The following APLF variants were observed in gnomAD, a reference collection of about 807,000 sequenced individuals.
The protein encoded by APLF is aprataxin and PNKP like factor, also known as aprataxin and PNK-like factor.
APLF carries 61 observed loss-of-function variants against 55.6 expected under a neutral mutation model. The observed-to-expected ratio is 1.10, with a 90% CI of 0.89 to 1.36. The LOEUF is 1.36. Among genes scored for constraint, APLF ranks in the 40% most tolerant of loss-of-function variants. The pLI is 0.00. For missense variants in APLF, 611 were observed against 602.5 expected (o/e 1.01, Z -0.15); for synonymous variants, 207 against 214.8 (o/e 0.96, Z 0.32).
chr2:68,537,696 G>GT (rs1670433711), intron 6 of APLF, among the ~76,000 whole-genome samples, 176 bp from the exon 7 acceptor site: 2 of 152,112 alleles, frequency 1.3e-5, no homozygotes, highest in East Asian at 1.9e-4. Flanking sequence ...AACTAAAAAT[G>GT]TTTTAAGTTA....
intron 5 of APLF, among the ~76,000 whole-genome samples, chr2:68,517,978 A>C (rs1174999070): frequency 7.3e-6 from 1 of 136,958 alleles, no homozygotes; most frequent in South Asian, 2.2e-4. Context: ...TATAACAGTA[A>C]TATATCACTA....
chr2:68,578,937 G>A lies in APLF; in HGVS notation c.*915G>A. 1 of 985,106 alleles carries A rather than the reference G, an allele frequency of 1.0e-6. No individual in the cohort carries two copies. The highest frequency in any genetic ancestry group is 1.2e-6 in the Non-Finnish European group (1 of 829,774). The allele number at this position is 985,106 out of a possible 1,614,324, so 61.0% of individuals were successfully genotyped here. ...CTCCAGTTTTACAAAGTATCTTTCT[G>A]TATTTCTGTTCTAAAACTACTTTAA... is the stretch of plus-strand genomic sequence containing the variant. On this transcript the variant is annotated 3_prime_UTR_variant, in exon 10 of 10. Transcript: ENST00000303795.
chr2:68,501,331 T>G (rs1273414197), intron 2 of APLF, among the ~76,000 whole-genome samples: 2 of 152,108 alleles, frequency 1.3e-5, no homozygotes, highest in African/African-American at 4.8e-5. Context: ...TGGTAATTAC[T>G]TTGCTGTGAT....
chr2:68,483,845 A>G (rs563337631), intron 1 of APLF, among the ~76,000 whole-genome samples: 1 of 152,288 alleles, frequency 6.6e-6, no homozygotes, highest in African/African-American at 2.4e-5. Context: ...GAGAACATTG[A>G]ATTAATGCGA....
At chr2:68,562,967 T>C in intron 8 of APLF, 1 of 553,236 alleles carries the variant, frequency 1.8e-6, no homozygotes, top group Non-Finnish European at 2.3e-6. Context: ...ATTCTGTGAG[T>C]TCTGTTTACC....
At chr2:68,496,859 A>G (rs915168910) in intron 2 of APLF, among the ~76,000 whole-genome samples, 12 of 152,148 alleles carry the variant, frequency 7.9e-5, no homozygotes, top group African/African-American at 2.7e-4. Context: ...TTGGTCACAA[A>G]TTTGCTGATC....
intron 5 of APLF, among the ~76,000 whole-genome samples, chr2:68,525,819 G>T (rs1177452967): frequency 7.4e-6 from 1 of 134,494 alleles, no homozygotes; most frequent in African/African-American, 3.0e-5. Flanking sequence ...GTGTGATCTC[G>T]GCTCACTGCA....
intron 1 of APLF, among the ~76,000 whole-genome samples, chr2:68,476,170 C>T (rs1675766136): frequency 1.3e-5 from 2 of 151,694 alleles, no homozygotes; most frequent in Non-Finnish European, 2.9e-5. Context: ...GTGTATTATG[C>T]TCTTTCCCAA....
intron 3 of APLF, among the ~76,000 whole-genome samples, chr2:68,504,286 T>C (rs1013401146): frequency 9.2e-5 from 14 of 151,942 alleles, no homozygotes; most frequent in Non-Finnish European, 1.9e-4. Context: ...AAAGAAGATA[T>C]ACTTCCCAAC....
chr2:68,488,022 A>G (rs540187676), intron 1 of APLF, among the ~76,000 whole-genome samples: 8 of 124,998 alleles, frequency 6.4e-5, no homozygotes, highest in Admixed American at 1.4e-4. Flanking sequence ...AGTGAAGCTT[A>G]CTTCAAAGAA....
At chr2:68,497,408 C>T (rs12990793) in intron 2 of APLF, among the ~76,000 whole-genome samples, 14 of 151,978 alleles carry the variant, frequency 9.2e-5, no homozygotes, top group African/African-American at 1.2e-4. Flanking sequence ...TGAGTTCTCA[C>T]GACATCTGGT....
chr2:68,486,535 T>A (rs962440756), intron 1 of APLF, among the ~76,000 whole-genome samples: 1 of 152,124 alleles, frequency 6.6e-6, no homozygotes, highest in Admixed American at 6.5e-5. Flanking sequence ...CCCTCTCTCC[T>A]CTGTTTCTGT....
At chr2:68,490,490 A>G (rs1162149672) in intron 2 of APLF, among the ~76,000 whole-genome samples, 1 of 152,228 alleles carries the variant, frequency 6.6e-6, no homozygotes, top group African/African-American at 2.4e-5. Context: ...ATGAAAGATG[A>G]CTGCCAGTTC....
chr2:68,524,446 G>C (rs71413137), intron 5 of APLF, among the ~76,000 whole-genome samples: 1 of 152,132 alleles, frequency 6.6e-6, no homozygotes, highest in Admixed American at 6.5e-5. Flanking sequence ...CCCACTGCCT[G>C]GTTTTGTAAA....
At chr2:68,489,928 A>G (rs1372500515) in intron 1 of APLF, among the ~76,000 whole-genome samples, 1 of 152,156 alleles carries the variant, frequency 6.6e-6, no homozygotes, top group Non-Finnish European at 1.5e-5. Flanking sequence ...AATGGAAACT[A>G]TCATGCAAGG....
intron 1 of APLF, among the ~76,000 whole-genome samples, chr2:68,485,070 A>T (rs1676086544): frequency 6.6e-6 from 1 of 152,092 alleles, no homozygotes; most frequent in Non-Finnish European, 1.5e-5. Flanking sequence ...TGTGTCACCT[A>T]AGAACAAGGA....
chr2:68,578,053 C>T lies in APLF; in HGVS notation c.*31C>T, dbSNP rs1558559428. On this transcript the variant is annotated 3_prime_UTR_variant, in exon 10 of 10. Coordinates refer to ENST00000303795, the MANE Select transcript of APLF (RefSeq NM_173545.3). ...AACTTCTGTAGTCATATCTGCCTTA[C>T]ATTTACTTTTTCTTTGTGGGAAAAC... The T allele has an allele frequency of 1.3e-6, 2 of 1,591,132 alleles. No homozygotes were observed. Among genetic ancestry groups the T allele is most frequent in the East Asian group, 2.3e-5 (1 of 43,956 alleles).
At chr2:68,549,005 A>G (rs1321402494) in intron 8 of APLF, among the ~76,000 whole-genome samples, 2 of 152,034 alleles carry the variant, frequency 1.3e-5, no homozygotes, top group Non-Finnish European at 2.9e-5. Flanking sequence ...AAAACCTACC[A>G]CAACACTGTT....
At chr2:68,548,787 A>G (rs562044063) in intron 8 of APLF, among the ~76,000 whole-genome samples, 1 of 152,100 alleles carries the variant, frequency 6.6e-6, no homozygotes, top group East Asian at 1.9e-4. Flanking sequence ...ATCCATAAAC[A>G]CAAGTGGAGA....
Sources: allele counts gnomAD v4.1 joint callset (sites outside exome capture counted in the v4.1 genomes callset), GRCh38; gene constraint gnomAD v4.1.1; transcripts MANE v1.5; gene names NCBI Gene and HGNC (gene_info 2026-07-23, HGNC 2026-07-21).